The following CTNND2 variants were observed in gnomAD, a reference collection of about 807,000 sequenced individuals.
CTNND2 encodes the protein catenin delta-2.
A neutral mutation model predicts 144.4 loss-of-function variants in CTNND2; 22 were observed. The ratio of observed to expected loss-of-function variants is 0.15; its 90% confidence interval spans 0.11 to 0.22. CTNND2 has a LOEUF of 0.22. Ranked by LOEUF, CTNND2 falls within the 10% of genes least tolerant of loss-of-function variation. The probability of loss-of-function intolerance (pLI) is 1.00; values close to 1 mark genes in which losing one functional copy is unlikely to be tolerated. For synonymous variants in CTNND2, 751 were observed against 695.6 expected (o/e 1.08, Z -1.25); for missense variants, 1,353 against 1,618.8 (o/e 0.84, Z 2.82).
At chr5:11,196,600 T>C (rs32271) in intron 11 of CTNND2, among the ~76,000 whole-genome samples, 76,099 of 152,124 alleles carry the variant, frequency 0.5, 19,882 homozygotes, top group African/African-American at 0.66. Context: ...AGATTTGCAG[T>C]GGCTCCTTGC....
At chr5:11,203,976 C>T (rs2149835036) in intron 10 of CTNND2, among the ~76,000 whole-genome samples, 1 of 152,328 alleles carries the variant, frequency 6.6e-6, no homozygotes, top group South Asian at 2.1e-4. Flanking sequence ...CAGTCTTAAA[C>T]TCACTTATTG....
chr5:11,158,629 T>A (rs73051693), intron 12 of CTNND2, among the ~76,000 whole-genome samples: 2 of 152,116 alleles, frequency 1.3e-5, no homozygotes, highest in African/African-American at 4.8e-5. Flanking sequence ...TGAATACTCA[T>A]GAGATGACGA....
At chr5:11,753,221 A>G (rs1788723936) in intron 1 of CTNND2, among the ~76,000 whole-genome samples, 1 of 151,780 alleles carries the variant, frequency 6.6e-6, no homozygotes, top group African/African-American at 2.4e-5. Flanking sequence ...GTTGAATGGA[A>G]GTGGTGACAG....
At chr5:11,642,335 G>T (rs764203435) in intron 2 of CTNND2, among the ~76,000 whole-genome samples, 15 of 152,122 alleles carry the variant, frequency 9.9e-5, no homozygotes, top group African/African-American at 1.4e-4. Context: ...TATGTATTTT[G>T]TTGGAAGATG....
intron 9 of CTNND2, among the ~76,000 whole-genome samples, chr5:11,272,983 G>C (rs1266887381): frequency 1.3e-5 from 2 of 152,090 alleles, no homozygotes; most frequent in Non-Finnish European, 2.9e-5. Context: ...CACTAACTTT[G>C]AAGACCAGCT....
intron 1 of CTNND2, among the ~76,000 whole-genome samples, chr5:11,839,207 C>T (rs1341701483): frequency 6.6e-6 from 1 of 151,770 alleles, no homozygotes; most frequent in Non-Finnish European, 1.5e-5. Context: ...TGGGGTCATA[C>T]AATTGGTGAT....
chr5:11,648,172 CTTTTTTT>C (rs5865960), intron 2 of CTNND2, among the ~76,000 whole-genome samples: 3 of 132,452 alleles, frequency 2.3e-5, no homozygotes, highest in Non-Finnish European at 3.2e-5. Flanking sequence ...AGAACAGTGA[CTTTTTTT>C]TTTTTTTTTT....
At chr5:11,112,291 C>A (rs1045405668) in intron 13 of CTNND2, among the ~76,000 whole-genome samples, 25 of 152,046 alleles carry the variant, frequency 1.6e-4, no homozygotes, top group Admixed American at 3.3e-4. Context: ...TCACAAGGGG[C>A]CTGTACGTCA....
At chr5:11,220,085 G>A (rs914465280) in intron 10 of CTNND2, among the ~76,000 whole-genome samples, 1 of 152,034 alleles carries the variant, frequency 6.6e-6, no homozygotes, top group Admixed American at 6.5e-5. Flanking sequence ...ATTATTATTA[G>A]TGTCTTCACA....
chr5:11,002,298 G>T (rs1265190038), intron 18 of CTNND2, among the ~76,000 whole-genome samples: 2 of 152,226 alleles, frequency 1.3e-5, no homozygotes, highest in Admixed American at 1.3e-4. Flanking sequence ...TAAGAGAGTG[G>T]AGAGAATTTA....
At chr5:11,177,034 T>C (rs1482551300) in intron 11 of CTNND2, among the ~76,000 whole-genome samples, 1 of 152,214 alleles carries the variant, frequency 6.6e-6, no homozygotes, top group Non-Finnish European at 1.5e-5. Context: ...GTAATAACAT[T>C]AAAATATGAC....
At chr5:11,352,829 G>A (rs925579534) in intron 8 of CTNND2, among the ~76,000 whole-genome samples, 1 of 152,074 alleles carries the variant, frequency 6.6e-6, no homozygotes, top group African/African-American at 2.4e-5. Context: ...ATGTTATGGC[G>A]ATATACAGCA....
In CTNND2 at chr5:11,369,689, A is replaced by G. The variant is rs955143624; in HGVS notation, c.1178-4799T>C. 4.6e-5 allele frequency among the ~76,000 whole-genome samples: 7 copies of G among 152,344 alleles called. 1 individual carries two copies. The highest frequency in any genetic ancestry group is 2.0e-4 in the Admixed American group (3 of 15,306). On this transcript the variant is annotated intron_variant, in intron 7 of 21. Transcript: ENST00000304623. ...CCTGGCTTTGAAAATAAGTTATTAC[A>G]TGCAGGAGGATGGAGGTAAAGGTGT...
intron 1 of CTNND2, among the ~76,000 whole-genome samples, chr5:11,820,945 T>C (rs1793276295): frequency 6.6e-6 from 1 of 152,214 alleles, no homozygotes; most frequent in South Asian, 2.1e-4. Flanking sequence ...TCAGAGGGAT[T>C]GACAATTCAC....
chr5:11,606,136 C>T (rs1404536387), intron 2 of CTNND2, among the ~76,000 whole-genome samples: 2 of 152,162 alleles, frequency 1.3e-5, no homozygotes, highest in East Asian at 1.9e-4. Context: ...AAGTGGACTC[C>T]GGAAGTCAAG....
At chr5:11,664,907 A>G (rs781185083) in intron 2 of CTNND2, among the ~76,000 whole-genome samples, 4 of 152,182 alleles carry the variant, frequency 2.6e-5, no homozygotes, top group Non-Finnish European at 5.9e-5. Flanking sequence ...AAAGCAAATT[A>G]ATTGTATTGT....
chr5:10,994,823 G>A (rs1561140951), intron 18 of CTNND2, among the ~76,000 whole-genome samples: 1 of 152,196 alleles, frequency 6.6e-6, no homozygotes, highest in Non-Finnish European at 1.5e-5. Context: ...CCCCTGGACA[G>A]AGGAGAGATG....
rs576357163 is a variant in CTNND2, at chr5:11,720,743, T to A, written c.174+11393A>T. Reference sequence around the variant, plus strand: ...CATATTTTAAAATGTGTTGTTGGTCTGCCATGGAATTTTTTTGATGTTCTT... The same window carrying A: ...CATATTTTAAAATGTGTTGTTGGTCAGCCATGGAATTTTTTTGATGTTCTT... On this transcript the variant is annotated intron_variant, in intron 2 of 21. Transcript: ENST00000304623. 1.3e-4 allele frequency among the ~76,000 whole-genome samples: 20 copies of A among 152,344 alleles called. No homozygotes were observed. In the East Asian group the frequency reaches 1.7e-3, roughly 13 times the overall value.
chr5:11,471,486 ATC>A (rs1767229761), intron 3 of CTNND2, among the ~76,000 whole-genome samples: 1 of 152,230 alleles, frequency 6.6e-6, no homozygotes, highest in Admixed American at 6.5e-5. Context: ...TTTTAAAAAA[ATC>A]ACAGTGATGT....
Sources: allele counts gnomAD v4.1 joint callset (sites outside exome capture counted in the v4.1 genomes callset), GRCh38; gene constraint gnomAD v4.1.1; transcripts MANE v1.5; gene names NCBI Gene and HGNC (gene_info 2026-07-23, HGNC 2026-07-21).